Variants in CHRNG observed in about 807,000 individuals in gnomAD.
CHRNG encodes the protein cholinergic receptor nicotinic gamma subunit.
A neutral mutation model predicts 65.2 loss-of-function variants in CHRNG; 72 were observed. The observed-to-expected ratio is 1.10, with a 90% CI of 0.91 to 1.34. The LOEUF (loss-of-function observed/expected upper bound fraction) is 1.34. CHRNG is among the 40% of genes most tolerant of loss of function. CHRNG has a pLI of 0.00. For missense variants in CHRNG, 637 were observed against 680.1 expected (o/e 0.94, Z 0.70); for synonymous variants, 284 against 290.2 (o/e 0.98, Z 0.22).
chr2:232,542,086 G>T lies in CHRNG; in HGVS notation c.507-337G>T, dbSNP rs7594673. Among the ~76,000 whole-genome samples the T allele has an allele frequency of 5.1e-3, 774 of 152,230 alleles. 7 individuals are homozygous for T. Among genetic ancestry groups the T allele is most frequent in the African/African-American group, 0.018 (730 of 41,526 alleles). On this transcript the variant is annotated intron_variant, in intron 5 of 11. Coordinates refer to ENST00000651502, the MANE Select transcript of CHRNG (RefSeq NM_005199.5). ...GAGACTCCCCTCTGTAGACACGGGGGTCCTCCTGAGGTAGGCATGTGTTTT... is the reference window on the plus strand; with the variant it reads ...GAGACTCCCCTCTGTAGACACGGGGTTCCTCCTGAGGTAGGCATGTGTTTT...
In CHRNG at chr2:232,540,940, G is replaced by A. The variant is rs67583510; in HGVS notation, c.350+229G>A. Among the ~76,000 whole-genome samples the A allele has an allele frequency of 0.21, 32,520 of 151,958 alleles. 4,398 individuals carry two copies. The highest frequency in any genetic ancestry group is 0.37 in the East Asian group (1,889 of 5,122). On this transcript the variant is annotated intron_variant, in intron 4 of 11. Coordinates refer to ENST00000651502, the MANE Select transcript of CHRNG (RefSeq NM_005199.5). This position sits in a 1 kb window ranked among gnomAD's most constrained non-coding sequence, Gnocchi z 4.2. ...CTACGCCAGGCTCCATCTCCTCTGGGCTGGGCCACCTGGGTGGGCTGCTCC... is the reference window on the plus strand; with the variant it reads ...CTACGCCAGGCTCCATCTCCTCTGGACTGGGCCACCTGGGTGGGCTGCTCC...
Position 232,543,267 on chromosome 2 carries a change from A to G in CHRNG, c.806-8A>G, listed in dbSNP as rs370162231. ...AACCTGCTCTGAGAGCCTCTCGGTCATGGATAGCTGGGGGCCAGAAGTGTA... is the reference window on the plus strand; with the variant it reads ...AACCTGCTCTGAGAGCCTCTCGGTCGTGGATAGCTGGGGGCCAGAAGTGTA... On this transcript the variant is annotated splice_region_variant and splice_polypyrimidine_tract_variant and intron_variant, in intron 7 of 11. Transcript: ENST00000651502. 1.2e-6 allele frequency: 2 copies of G among 1,612,364 alleles called. No homozygotes were observed. The highest frequency in any genetic ancestry group is 2.7e-5 in the African/African-American group (2 of 74,862).
chr2:232,545,570 C>T lies in CHRNG; in HGVS notation c.1408C>T (p.Arg470Ter), dbSNP rs121912671. The change falls in exon 12 of 12, where the codon CGA (arginine) becomes TGA (stop). Residue 470 changes from arginine (R) to a stop codon, truncating the protein, a stop_gained. Transcript: ENST00000651502. LOFTEE classifies it high-confidence loss of function. The stretch of plus-strand genomic sequence containing the variant: ...GAATGAGGAGTGGTTCCTGGTGGGC[C>T]GAGTGCTGGACCGCGTCTGCTTCCT... The part of the protein sequence containing the change: ...NGNEEWFLVG[R>*]VLDRVCFLAM... 5.0e-6 allele frequency: 8 copies of T among 1,613,932 alleles called. No homozygotes were observed. The highest frequency in any genetic ancestry group is 2.2e-5 in the South Asian group (2 of 91,068).
Position 232,545,939 on chromosome 2 carries a change from C to T in CHRNG, c.*223C>T. 1.6e-6 allele frequency: 1 copy of T among 638,402 alleles called. No homozygotes were observed. Among genetic ancestry groups the T allele is most frequent in the South Asian group, 1.8e-5 (1 of 56,648 alleles). 39.5% of individuals were successfully genotyped at this position (638,402 alleles called of 1,614,324 possible). On this transcript the variant is annotated 3_prime_UTR_variant, in exon 12 of 12. Coordinates refer to ENST00000651502, the MANE Select transcript of CHRNG (RefSeq NM_005199.5). Reference sequence around the variant, plus strand: ...CTAGTGTCCTGCTGCAGTCAGCACACACGTGGGATTGGCTAGCTCATCCTG... The same window carrying T: ...CTAGTGTCCTGCTGCAGTCAGCACATACGTGGGATTGGCTAGCTCATCCTG...
intron 8 of CHRNG, 31 bp downstream of exon 8, chr2:232,543,420 T>C: frequency 1.3e-6 from 2 of 1,502,718 alleles, no homozygotes; most frequent in South Asian, 2.3e-5. Flanking sequence ...CACCCGCCTA[T>C]GCCACTCTCC....
chr2:232,545,401 C>T (rs1373749518), intron 11 of CHRNG, 142 bp from the exon 12 acceptor site: 1 of 775,390 alleles, frequency 1.3e-6, no homozygotes, highest in Non-Finnish European at 2.2e-6. Flanking sequence ...ATGGAATTAG[C>T]CACCAGTTGG....
Position 232,539,973 on chromosome 2 carries a change from T to G in CHRNG, c.56-19T>G, listed in dbSNP as rs1295397333. 5.0e-6 allele frequency: 8 copies of G among 1,613,874 alleles called. No homozygotes were observed. The African/African-American group carries it at 5.3e-5, about 11-fold the overall frequency. On this transcript the variant is annotated intron_variant, in intron 1 of 11. Transcript: ENST00000651502. The stretch of plus-strand genomic sequence containing the variant: ...TTCCACCTCCAAGCTCCTGCTAGGC[T>G]CACGCCTGTCTATTGCAGGGGCCCA...
chr2:232,547,902 G>A lies in CHRNG; in HGVS notation c.*2186G>A. ...TCCATACAGCAACCTAAGGAGGTAG[G>A]TCGAGGCATACCTCAAAGACATTGC... On this transcript the variant is annotated 3_prime_UTR_variant, in exon 12 of 12. Coordinates refer to ENST00000651502, the MANE Select transcript of CHRNG (RefSeq NM_005199.5). 1 of 419,368 alleles carries A rather than the reference G, an allele frequency of 2.4e-6. No individual in the cohort carries two copies. 26.0% of individuals were successfully genotyped at this position (419,368 alleles called of 1,614,324 possible). A position where few individuals can be genotyped will look rare whatever the true frequency, so the allele number is the denominator to read the frequency against.
At position 232,548,074 on chromosome 2, in the gene CHRNG, T is replaced by G. The variant is rs1019134101; in HGVS notation, c.*2358T>G. On this transcript the variant is annotated 3_prime_UTR_variant, in exon 12 of 12. Transcript: ENST00000651502. ...ATAAAACAATATACATACCTAAATT[T>G]AAAAATACTTTATTGCTAAAAAATG... 5.6e-5 allele frequency: 34 copies of G among 605,088 alleles called. No individual in the cohort carries two copies. Among genetic ancestry groups the G allele is most frequent in the Admixed American group, 4.9e-4 (14 of 28,852 alleles). The allele number at this position is 605,088 out of a possible 1,614,324, so 37.5% of individuals were successfully genotyped here. A position where few individuals can be genotyped will look rare whatever the true frequency, so the allele number is the denominator to read the frequency against.
chr2:232,544,315 C>G, intron 9 of CHRNG, 52 bp from the exon 10 acceptor site: 1 of 1,403,974 alleles, frequency 7.1e-7, no homozygotes, highest in South Asian at 1.2e-5. Context: ...CAACCTCTGG[C>G]TTCTGCTCTG....
At chr2:232,544,028 C>A (rs1488338484) in intron 9 of CHRNG, among the ~76,000 whole-genome samples, 2 of 152,200 alleles carry the variant, frequency 1.3e-5, no homozygotes, top group Non-Finnish European at 2.9e-5. Flanking sequence ...CCAGGGCAGT[C>A]TGATTCCAGT....
At position 232,540,530 on chromosome 2, in the gene CHRNG, G is replaced by A. The variant is rs898555521; in HGVS notation, c.241-72G>A. On this transcript the variant is annotated intron_variant, in intron 3 of 11. Coordinates refer to ENST00000651502, the MANE Select transcript of CHRNG (RefSeq NM_005199.5). The surrounding 1 kb of genome is among the most constrained non-coding windows in gnomAD (Gnocchi z 4.2). Reference sequence around the variant, plus strand: ...CGTTCCTGCCTCTTCTGTCCTCTTGGGCTGGATGCCCACTCCTAGGGCTGT... The same window carrying A: ...CGTTCCTGCCTCTTCTGTCCTCTTGAGCTGGATGCCCACTCCTAGGGCTGT... 8 of 1,600,950 alleles carry A rather than the reference G, an allele frequency of 5.0e-6. No individual in the cohort carries two copies. The highest frequency in any genetic ancestry group is 6.0e-6 in the Non-Finnish European group (7 of 1,174,486).
chr2:232,542,439 AC>A lies in CHRNG; in HGVS notation c.525del (p.Asn176MetfsTer7). 1 of 1,613,576 alleles carries A rather than the reference AC, an allele frequency of 6.2e-7. No individual in the cohort carries two copies. Among genetic ancestry groups the A allele is most frequent in the Non-Finnish European group, 8.5e-7 (1 of 1,179,594 alleles). ...SLIFQSQTYSTNEIDLQLSQE... is the reference protein window; with the variant it reads ...SLIFQSQTYSXNEIDLQLSQE... ...GACTCCCAGGTCCCAGACTTACAGCACCAATGAGATTGATCTGCAGCTGAGT... is the reference window on the plus strand; with the variant it reads ...GACTCCCAGGTCCCAGACTTACAGCACAATGAGATTGATCTGCAGCTGAGT... On this transcript the variant is annotated frameshift_variant, in exon 6 of 12. Coordinates refer to ENST00000651502, the MANE Select transcript of CHRNG (RefSeq NM_005199.5). LOFTEE classifies it high-confidence loss of function.
Position 232,540,767 on chromosome 2 carries a change from C to T in CHRNG, c.350+56C>T, listed in dbSNP as rs746931133. 16 of 1,482,014 alleles carry T rather than the reference C, an allele frequency of 1.1e-5. No homozygotes were observed. Among genetic ancestry groups the T allele is most frequent in the Non-Finnish European group, 1.5e-5 (16 of 1,079,348 alleles). 91.8% of individuals were successfully genotyped at this position (1,482,014 alleles called of 1,614,324 possible). On this transcript the variant is annotated intron_variant, in intron 4 of 11. Coordinates refer to ENST00000651502, the MANE Select transcript of CHRNG (RefSeq NM_005199.5). The surrounding 1 kb of genome is among the most constrained non-coding windows in gnomAD (Gnocchi z 4.2). Reference sequence around the variant, plus strand: ...GGACAAAGGACACAGGGTCTGGGCCCAGCAGAACAAGGCACTCTGGGAAAA... The same window carrying T: ...GGACAAAGGACACAGGGTCTGGGCCTAGCAGAACAAGGCACTCTGGGAAAA...
At chr2:232,545,411 G>A (rs964119241) in intron 11 of CHRNG, 132 bp from the exon 12 acceptor site, 4 of 837,612 alleles carry the variant, frequency 4.8e-6, no homozygotes, top group Non-Finnish European at 5.9e-6. Flanking sequence ...CCACCAGTTG[G>A]GACCCGGACA....
In CHRNG at chr2:232,545,796, G is replaced by C. The variant is rs1692122279; in HGVS notation, c.*80G>C. On this transcript the variant is annotated 3_prime_UTR_variant, in exon 12 of 12. Transcript: ENST00000651502. ...CTTATCAGCCACGTTCTCCTACTGA[G>C]GTCCTAAGTGTGCTCTTTGGGAAGT... 10 of 1,486,662 alleles carry C rather than the reference G, an allele frequency of 6.7e-6. No homozygotes were observed. The South Asian group carries it at 1.0e-4, about 15-fold the overall frequency. The allele number at this position is 1,486,662 out of a possible 1,614,324, so 92.1% of individuals were successfully genotyped here. A position where few individuals can be genotyped will look rare whatever the true frequency, so the allele number is the denominator to read the frequency against.
intron 5 of CHRNG, 129 bp from the exon 6 acceptor site, chr2:232,542,294 G>A: frequency 1.4e-6 from 1 of 703,012 alleles, no homozygotes; most frequent in East Asian, 2.7e-5. Context: ...GTTTTATAGA[G>A]AACTCAGAAG....
chr2:232,541,870 C>T lies in CHRNG; in HGVS notation c.506+341C>T. 2.5e-6 allele frequency: 1 copy of T among 406,140 alleles called. No homozygotes were observed. Among genetic ancestry groups the T allele is most frequent in the Non-Finnish European group, 4.6e-6 (1 of 216,014 alleles). 25.2% of individuals were successfully genotyped at this position (406,140 alleles called of 1,614,324 possible). A position where few individuals can be genotyped will look rare whatever the true frequency, so the allele number is the denominator to read the frequency against. The stretch of plus-strand genomic sequence containing the variant: ...CACGAAACCACTGCACACTCCAGGC[C>T]CACAGGGAGGCAGGGCTGTCCTGTG... On this transcript the variant is annotated intron_variant, in intron 5 of 11. Transcript: ENST00000651502. The surrounding 1 kb of genome is among the most constrained non-coding windows in gnomAD (Gnocchi z 4.0).
At position 232,540,423 on chromosome 2, in the gene CHRNG, A is replaced by G; in HGVS notation, c.238A>G (p.Met80Val). Residue 80 changes from methionine to valine, a missense_variant and splice_region_variant, in exon 3 of 12, where the codon ATG becomes GTG. Coordinates refer to ENST00000651502, the MANE Select transcript of CHRNG (RefSeq NM_005199.5). The surrounding 1 kb of genome is among the most constrained non-coding windows in gnomAD (Gnocchi z 4.2). The stretch of plus-strand genomic sequence containing the variant: ...CCTCACCACCAATGTCTGGATAGAG[A>G]TGGTAAGAGGCCACCCTGCCACCCT... ...EALTTNVWIE[M>V]QWCDYRLRWD... 1 of 1,613,896 alleles carries G rather than the reference A, an allele frequency of 6.2e-7. No individual in the cohort carries two copies. Among genetic ancestry groups the G allele is most frequent in the Non-Finnish European group, 8.5e-7 (1 of 1,179,952 alleles).
Sources: gnomAD v4.1 joint callset for allele counts (sites outside exome capture counted in the v4.1 genomes callset) on GRCh38, gnomAD v4.1.1 for gene constraint, Gnocchi (gnomAD v3.1) non-coding constraint, MANE v1.5 for transcripts, NCBI Gene and HGNC (gene_info 2026-07-23, HGNC 2026-07-21) for gene names.